Variants in NIPAL4 observed in about 807,000 individuals in gnomAD.
The protein encoded by NIPAL4 is NIPA like domain containing 4.
Under a neutral mutation model 31.6 loss-of-function variants are expected in NIPAL4, and 21 were observed. That is an observed-to-expected ratio of 0.67 (90% CI 0.47 to 0.96). The LOEUF is 0.96. Ranked by LOEUF, NIPAL4 falls within the 40% of genes least tolerant of loss-of-function variation. NIPAL4 has a pLI of 0.00. For missense variants in NIPAL4, 438 were observed against 508.0 expected (o/e 0.86, Z 1.32); for synonymous variants, 175 against 211.1 (o/e 0.83, Z 1.48).
Position 157,461,571 on chromosome 5 carries a change from A to G in NIPAL4, c.37+1214A>G, listed in dbSNP as rs538201985. Among the ~76,000 whole-genome samples the G allele has an allele frequency of 2.6e-5, 4 of 152,138 alleles. No homozygotes were observed. In the East Asian group the frequency reaches 7.7e-4, roughly 29 times the overall value. Reference sequence around the variant, plus strand: ...CTGGCTCATTTCCTGGGCTCAGGGAACTCCCCAGATTCAGCTCTTGGGCAA... The same window carrying G: ...CTGGCTCATTTCCTGGGCTCAGGGAGCTCCCCAGATTCAGCTCTTGGGCAA... On this transcript the variant is annotated intron_variant, in intron 1 of 5. Transcript: ENST00000311946.
rs776750399 is a variant in NIPAL4 at position 157,472,334 on chromosome 5, T to C, written c.589T>C (p.Phe197Leu). 6.9e-6 allele frequency: 11 copies of C among 1,599,384 alleles called. No individual in the cohort carries two copies. The East Asian group carries it at 1.8e-4, about 26-fold the overall frequency. Residue 197 changes from phenylalanine (F) to leucine (L), a missense_variant and splice_region_variant, in exon 6 of 6, where the codon TTC (phenylalanine) becomes CTC (leucine). Transcript: ENST00000311946. ...EMASKMKDTG[F>L]IVFAVLLLVS... ...TCCTTCTCTCTCTCCTCCCAAAGGG[T>C]TCATCGTGTTTGCTGTGCTTCTGCT...
At chr5:157,469,414 T>C (rs751539217) in intron 4 of NIPAL4, among the ~76,000 whole-genome samples, 1 of 152,134 alleles carries the variant, frequency 6.6e-6, no homozygotes, top group Non-Finnish European at 1.5e-5. Context: ...TCATGCATAT[T>C]AACTCATTTA....
At chr5:157,464,155 A>G (rs1754189002) in intron 2 of NIPAL4, among the ~76,000 whole-genome samples, 1 of 152,184 alleles carries the variant, frequency 6.6e-6, no homozygotes, top group Admixed American at 6.5e-5. Flanking sequence ...GACCTAGATT[A>G]TGAGGAGACA....
Position 157,466,150 on chromosome 5 carries a change from G to A in NIPAL4, c.278-899G>A, listed in dbSNP as rs1270676879. Among the ~76,000 whole-genome samples, 8 of 152,274 alleles carry A rather than the reference G, an allele frequency of 5.3e-5. No individual in the cohort carries two copies. In the East Asian group the frequency reaches 7.7e-4, roughly 15 times the overall value. On this transcript the variant is annotated intron_variant, in intron 2 of 5. Transcript: ENST00000311946. The stretch of plus-strand genomic sequence containing the variant: ...AAATCAGGGAGTCAGGGATGGCATC[G>A]TAGGGGAAGCAACATTCACACAGCA...
At position 157,473,188 on chromosome 5, in the gene NIPAL4, C is replaced by A. The variant is rs184168328; in HGVS notation, c.*228C>A. 1 of 453,674 alleles carries A rather than the reference C, an allele frequency of 2.2e-6. No individual in the cohort carries two copies. The highest frequency in any genetic ancestry group is 3.9e-6 in the Non-Finnish European group (1 of 258,934). The allele number at this position is 453,674 out of a possible 1,614,324, so 28.1% of individuals were successfully genotyped here. ...AGTGACCAAATACCCAAGTTTACAT[C>A]AGTGCCTGCAGGTTCCCTGGACCTT... On this transcript the variant is annotated 3_prime_UTR_variant, in exon 6 of 6. Transcript: ENST00000311946.
rs1754462704 is a variant in NIPAL4 at position 157,472,352 on chromosome 5, C to T, written c.607C>T (p.Leu203Phe). 2 of 1,605,896 alleles carry T rather than the reference C, an allele frequency of 1.2e-6. No homozygotes were observed. The highest frequency in any genetic ancestry group is 8.5e-7 in the Non-Finnish European group (1 of 1,177,072). The change falls in exon 6 of 6, where the codon CTT becomes TTT. Residue 203 changes from leucine (L) to phenylalanine (F), a missense_variant. By Grantham distance (22) the Leu-to-Phe change is conservative (BLOSUM62 0). Coordinates refer to ENST00000311946, the MANE Select transcript of NIPAL4 (RefSeq NM_001099287.2). ...CAAAGGGTTCATCGTGTTTGCTGTG[C>T]TTCTGCTGGTGTCATGCCTCATCCT... ...KDTGFIVFAV[L>F]LLVSCLILIF...
chr5:157,466,549 C>A (rs1352342678), intron 2 of NIPAL4, among the ~76,000 whole-genome samples: 1 of 152,204 alleles, frequency 6.6e-6, no homozygotes, highest in Non-Finnish European at 1.5e-5. Context: ...GCAGGGATAA[C>A]AGTGCCTTCG....
intron 3 of NIPAL4, chr5:157,467,851 G>A (rs1412342057): frequency 6.6e-6 from 1 of 152,192 alleles, no homozygotes; most frequent in Non-Finnish European, 1.5e-5. Context: ...CAGATAGAGA[G>A]AAAGAACTTA....
intron 4 of NIPAL4, among the ~76,000 whole-genome samples, chr5:157,471,301 T>A (rs1467092709): frequency 6.6e-6 from 1 of 152,230 alleles, no homozygotes; most frequent in Non-Finnish European, 1.5e-5. Flanking sequence ...ATATGCGGGA[T>A]ACATTCAGAA....
chr5:157,467,170 G>A (rs549303459), intron 3 of NIPAL4, 65 bp downstream of exon 3: 3 of 1,096,592 alleles, frequency 2.7e-6, no homozygotes, highest in Admixed American at 1.8e-5. Context: ...ACAAAGGGAG[G>A]GGTGGGTAGG....
At chr5:157,467,331 C>A in intron 3 of NIPAL4, 1 of 519,142 alleles carries the variant, frequency 1.9e-6, no homozygotes. Flanking sequence ...ACAGAGCTGG[C>A]AACCATGAAG....
rs1056593589 is a variant in NIPAL4, at chr5:157,460,242, C to A, written c.-79C>A. 3 of 1,526,866 alleles carry A rather than the reference C, an allele frequency of 2.0e-6. No individual in the cohort carries two copies. Among genetic ancestry groups the A allele is most frequent in the Non-Finnish European group, 2.6e-6 (3 of 1,138,030 alleles). The allele number at this position is 1,526,866 out of a possible 1,614,324, so 94.6% of individuals were successfully genotyped here. A position where few individuals can be genotyped will look rare whatever the true frequency, so the allele number is the denominator to read the frequency against. ...TCTCGCGCGCGAGCCACGCGGGGGA[C>A]AAGTCGCGGCCACCTGCTCCGGAGC... On this transcript the variant is annotated 5_prime_UTR_variant, in exon 1 of 6. Transcript: ENST00000311946.
rs1681014946 is a variant in NIPAL4, at chr5:157,472,644, T to G, written c.899T>G (p.Val300Gly). ...TCCCTGGTGTTCCCCATCTACTACG[T>G]GTTCTTCACCACGGTGGTCGTTACC... The part of the protein sequence containing the change: ...NTSLVFPIYY[V>G]FFTTVVVTSS... Residue 300 changes from valine (V) to glycine (G), a missense_variant, in exon 6 of 6, where the codon GTG (valine) becomes GGG (glycine). Coordinates refer to ENST00000311946, the MANE Select transcript of NIPAL4 (RefSeq NM_001099287.2). The G allele has an allele frequency of 5.0e-6, 8 of 1,613,990 alleles. No individual in the cohort carries two copies. Among genetic ancestry groups the G allele is most frequent in the Non-Finnish European group, 6.8e-6 (8 of 1,179,876 alleles).
chr5:157,471,941 A>G, intron 5 of NIPAL4, 124 bp downstream of exon 5: 1 of 731,478 alleles, frequency 1.4e-6, no homozygotes, highest in Non-Finnish European at 2.3e-6. Flanking sequence ...AAGGCAAGCT[A>G]AAGAAGAAAT....
Position 157,472,418 on chromosome 5 carries a change from C to T in NIPAL4, c.673C>T (p.Leu225Phe). The T allele has an allele frequency of 6.2e-7, 1 of 1,613,796 alleles. No homozygotes were observed. Among genetic ancestry groups the T allele is most frequent in the South Asian group, 1.1e-5 (1 of 91,056 alleles). ...CCCACGTTACGGGCAAAGGAATATCCTCATCTACATCATCATCTGCTCTGT... is the reference window on the plus strand; with the variant it reads ...CCCACGTTACGGGCAAAGGAATATCTTCATCTACATCATCATCTGCTCTGT... ...IAPRYGQRNI[L>F]IYIIICSVIG... The change falls in exon 6 of 6, where the codon CTC becomes TTC. Residue 225 changes from leucine (L) to phenylalanine (F), a missense_variant. By Grantham distance (22) the Leu-to-Phe change is conservative. Coordinates refer to ENST00000311946, the MANE Select transcript of NIPAL4 (RefSeq NM_001099287.2).
intron 2 of NIPAL4, among the ~76,000 whole-genome samples, chr5:157,464,375 T>C (rs1561828330): frequency 6.6e-6 from 1 of 152,148 alleles, no homozygotes; most frequent in Non-Finnish European, 1.5e-5. Flanking sequence ...GTTAAGTGAC[T>C]GAAAGGTTTT....
chr5:157,473,364 C>CGTT lies in NIPAL4; in HGVS notation c.*423_*425dup, dbSNP rs527401652. Reference sequence around the variant, plus strand: ...AATTCTCCTCCTGAGACGGAATCTCCGTTGTTGTTGTTGTTGTTGTTTTCT... The same window carrying CGTT: ...AATTCTCCTCCTGAGACGGAATCTCCGTTGTTGTTGTTGTTGTTGTTGTTTTCT... On this transcript the variant is annotated 3_prime_UTR_variant, in exon 6 of 6. Coordinates refer to ENST00000311946, the MANE Select transcript of NIPAL4 (RefSeq NM_001099287.2). 208 of 164,314 alleles carry CGTT rather than the reference C, an allele frequency of 1.3e-3. 1 individual carries two copies. Among genetic ancestry groups the CGTT allele is most frequent in the South Asian group, 2.9e-3 (15 of 5,114 alleles). 10.2% of individuals were successfully genotyped at this position (164,314 alleles called of 1,614,324 possible). A position where few individuals can be genotyped will look rare whatever the true frequency, so the allele number is the denominator to read the frequency against.
In NIPAL4 at chr5:157,473,165, T is replaced by C. The variant is rs1259118311; in HGVS notation, c.*205T>C. 2.1e-6 allele frequency: 1 copy of C among 482,844 alleles called. No homozygotes were observed. Among genetic ancestry groups the C allele is most frequent in the Non-Finnish European group, 3.6e-6 (1 of 279,140 alleles). 29.9% of individuals were successfully genotyped at this position (482,844 alleles called of 1,614,324 possible). A position where few individuals can be genotyped will look rare whatever the true frequency, so the allele number is the denominator to read the frequency against. On this transcript the variant is annotated 3_prime_UTR_variant, in exon 6 of 6. Transcript: ENST00000311946. ...CAGAACTTCCTGGAAACAGATTCAGTGACCAAATACCCAAGTTTACATCAG... is the reference window on the plus strand; with the variant it reads ...CAGAACTTCCTGGAAACAGATTCAGCGACCAAATACCCAAGTTTACATCAG...
chr5:157,466,780 A>G (rs562342297), intron 2 of NIPAL4, among the ~76,000 whole-genome samples: 2 of 152,210 alleles, frequency 1.3e-5, no homozygotes, highest in Non-Finnish European at 2.9e-5. Context: ...AGAAATTGAG[A>G]TGCCTGTGAG....
Sources: gnomAD v4.1 joint callset for allele counts (sites outside exome capture counted in the v4.1 genomes callset) on GRCh38, gnomAD v4.1.1 for gene constraint, MANE v1.5 for transcripts, NCBI Gene and HGNC (gene_info 2026-07-23, HGNC 2026-07-21) for gene names.